Variants in FAM222A observed in about 807,000 individuals in gnomAD.
FAM222A encodes the protein family with sequence similarity 222 member A, also known as protein FAM222A.
FAM222A carries 7 observed loss-of-function variants against 25.8 expected under a neutral mutation model. The ratio of observed to expected loss-of-function variants is 0.27; its 90% confidence interval spans 0.15 to 0.51. FAM222A has a LOEUF of 0.51. FAM222A is among the 20% of genes least tolerant of loss of function. FAM222A has a pLI of 0.97. For missense variants in FAM222A, 573 were observed against 640.5 expected, an observed-to-expected ratio of 0.89 and a Z score of 1.14; for synonymous variants, 294 against 298.8, an observed-to-expected ratio of 0.98 and a Z score of 0.17.
chr12:109,722,297 A>G (rs1424418052), intron 1 of FAM222A, among the ~76,000 whole-genome samples: 1 of 152,176 alleles, frequency 6.6e-6, no homozygotes, highest in African/African-American at 2.4e-5. Flanking sequence ...GCTTTCCCAT[A>G]GTAGGGAGCT....
At chr12:109,749,687 G>A (rs1017891898) in intron 2 of FAM222A, among the ~76,000 whole-genome samples, 1 of 152,128 alleles carries the variant, frequency 6.6e-6, no homozygotes, top group Non-Finnish European at 1.5e-5. Flanking sequence ...GACACCTACT[G>A]CTAACATGTT....
At chr12:109,716,821 C>T (rs1213665837) in intron 1 of FAM222A, among the ~76,000 whole-genome samples, 2 of 152,238 alleles carry the variant, frequency 1.3e-5, no homozygotes, top group African/African-American at 2.4e-5. Flanking sequence ...GCGTGCCAGA[C>T]GATGAGCAGG....
At chr12:109,746,696 T>C (rs935442805) in intron 2 of FAM222A, among the ~76,000 whole-genome samples, 3 of 152,212 alleles carry the variant, frequency 2.0e-5, no homozygotes, top group Admixed American at 6.5e-5. Context: ...AGTATATTCA[T>C]AGAATTATGC....
At chr12:109,754,741 C>T (rs918914074) in intron 2 of FAM222A, among the ~76,000 whole-genome samples, 4 of 151,598 alleles carry the variant, frequency 2.6e-5, no homozygotes, top group Non-Finnish European at 5.9e-5. Context: ...GGTCATGGCT[C>T]GCTACAGCCT....
chr12:109,746,425 G>A (rs1337689188), intron 2 of FAM222A, among the ~76,000 whole-genome samples: 4 of 152,038 alleles, frequency 2.6e-5, no homozygotes, highest in African/African-American at 9.7e-5. Flanking sequence ...GGAGGCAGAG[G>A]TTGCAGTAAG....
rs1007964427 is a variant in FAM222A at position 109,770,008 on chromosome 12, AG to A, written c.*723del. The A allele has an allele frequency of 6.6e-6, 1 of 152,248 alleles. No homozygotes were observed. Among genetic ancestry groups the A allele is most frequent in the Admixed American group, 6.5e-5 (1 of 15,292 alleles). 9.4% of individuals were successfully genotyped at this position (152,248 alleles called of 1,614,324 possible). A position where few individuals can be genotyped will look rare whatever the true frequency, so the allele number is the denominator to read the frequency against. On this transcript the variant is annotated 3_prime_UTR_variant, in exon 3 of 3. Coordinates refer to ENST00000538780, the MANE Select transcript of FAM222A (RefSeq NM_032829.3). ...AGTTGTTCAGGCTGTGCACTGCACA[AG>A]GGCACCTTGTCCAAGGAGACACCAC...
intron 1 of FAM222A, among the ~76,000 whole-genome samples, chr12:109,730,814 A>G (rs984973831): frequency 6.6e-6 from 1 of 152,162 alleles, no homozygotes; most frequent in East Asian, 1.9e-4. Flanking sequence ...AACTGCTGGA[A>G]GGAATTGAGG....
At chr12:109,732,357 A>C (rs1454902348) in intron 1 of FAM222A, among the ~76,000 whole-genome samples, 1 of 152,244 alleles carries the variant, frequency 6.6e-6, no homozygotes, top group African/African-American at 2.4e-5. Context: ...TCATGTGGGA[A>C]CATTCTGCCC....
At chr12:109,746,573 C>T (rs990129163) in intron 2 of FAM222A, among the ~76,000 whole-genome samples, 1 of 151,920 alleles carries the variant, frequency 6.6e-6, no homozygotes, top group African/African-American at 2.4e-5. Flanking sequence ...TAAATACATT[C>T]AAGTATCAGT....
At chr12:109,766,970 A>G (rs1358672949) in intron 2 of FAM222A, among the ~76,000 whole-genome samples, 2 of 151,068 alleles carry the variant, frequency 1.3e-5, no homozygotes, top group Admixed American at 6.6e-5. Flanking sequence ...GTCACAGCTC[A>G]CTGTAGCCTC....
intron 1 of FAM222A, among the ~76,000 whole-genome samples, chr12:109,726,833 A>AC (rs1342052768): frequency 2.0e-5 from 3 of 151,792 alleles, no homozygotes; most frequent in Admixed American, 6.6e-5. Context: ...ACTCCCGCCA[A>AC]CCCCCATCCG....
chr12:109,748,330 C>CTTTTTTTTTTTTTTTTTTTTTTTTTTTT (rs1410740242), intron 2 of FAM222A, among the ~76,000 whole-genome samples: 1 of 40,446 alleles, frequency 2.5e-5, no homozygotes, highest in Non-Finnish European at 5.2e-5. Context: ...CTTTGGTTTT[C>CTTTTTTTTTTTTTTTTTTTTTTTTTTTT]TTTCTTTTTT....
At chr12:109,727,988 C>T (rs1236569111) in intron 1 of FAM222A, among the ~76,000 whole-genome samples, 1 of 152,192 alleles carries the variant, frequency 6.6e-6, no homozygotes, top group Non-Finnish European at 1.5e-5. Context: ...CTGTTCAACC[C>T]GCTCTGAGCC....
At chr12:109,755,287 C>CTTTTTTTTTTTTTTTTTTTT (rs540689300) in intron 2 of FAM222A, among the ~76,000 whole-genome samples, 5 of 49,384 alleles carry the variant, frequency 1.0e-4, no homozygotes, top group African/African-American at 1.8e-4. Context: ...TGTAATTCTT[C>CTTTTTTTTTTTTTTTTTTTT]TTTTTTTTTT....
In FAM222A at chr12:109,768,628, C is replaced by T. The variant is rs778364810; in HGVS notation, c.699C>T (p.His233=). The T allele has an allele frequency of 1.4e-5, 23 of 1,602,312 alleles. No individual in the cohort carries two copies. The highest frequency in any genetic ancestry group is 4.5e-5 in the East Asian group (2 of 44,872). Residue 233 remains histidine, a synonymous_variant, in exon 3 of 3, where the codon CAC becomes CAT. Transcript: ENST00000538780. ...MAIPHPSPAK[H]GPVPSFPSMA... is the part of the protein sequence containing the mutation. ...TTCCCCATCCCAGCCCTGCCAAGCA[C>T]GGCCCAGTGCCCAGCTTCCCCAGCA...
rs776600173 is a variant in FAM222A at position 109,768,926 on chromosome 12, G to T, written c.997G>T (p.Val333Leu). ...CAGCGGGTCACCCCTCAACTGTGGC[G>T]TGGGGCTGCCCACCAGCTTCACCGT... ...RASGSPLNCG[V>L]GLPTSFTVGQ... Residue 333 changes from valine (V) to leucine (L), a missense_variant, in exon 3 of 3, where the codon GTG becomes TTG. Coordinates refer to ENST00000538780, the MANE Select transcript of FAM222A (RefSeq NM_032829.3). The T allele has an allele frequency of 3.2e-6, 5 of 1,578,164 alleles. No homozygotes were observed. The highest frequency in any genetic ancestry group is 2.3e-5 in the South Asian group (2 of 87,808).
intron 1 of FAM222A, among the ~76,000 whole-genome samples, chr12:109,726,699 G>A (rs1187458162): frequency 3.3e-4 from 50 of 152,330 alleles, no homozygotes; most frequent in Non-Finnish European, 1.5e-5. Context: ...CGGGTGGAGG[G>A]TGAGAATGGA....
chr12:109,728,654 C>T (rs1193788264), intron 1 of FAM222A, among the ~76,000 whole-genome samples: 1 of 152,198 alleles, frequency 6.6e-6, no homozygotes, highest in African/African-American at 2.4e-5. Context: ...GGTACCTGCT[C>T]ACCTCCAGAG....
rs372263353 is a variant in FAM222A at position 109,769,317 on chromosome 12, G to C, written c.*29G>C. ...CTGCCCTGCGGACATACGGACATGC[G>C]GACAGGGCGCAGAGCCGGGAGGCAG... On this transcript the variant is annotated 3_prime_UTR_variant, in exon 3 of 3. Coordinates refer to ENST00000538780, the MANE Select transcript of FAM222A (RefSeq NM_032829.3). The C allele has an allele frequency of 1.3e-6, 2 of 1,569,196 alleles. No homozygotes were observed. Among genetic ancestry groups the C allele is most frequent in the East Asian group, 4.7e-5 (2 of 42,394 alleles).
Sources: gnomAD v4.1 joint callset for allele counts (sites outside exome capture counted in the v4.1 genomes callset) on GRCh38, gnomAD v4.1.1 for gene constraint, MANE v1.5 for transcripts, NCBI Gene and HGNC (gene_info 2026-07-23, HGNC 2026-07-21) for gene names.